The following CFAP99 variants were observed in gnomAD, a reference collection of about 807,000 sequenced individuals.
CFAP99 encodes the protein cilia- and flagella-associated protein 99.
Under a neutral mutation model 82.7 loss-of-function variants are expected in CFAP99, and 84 were observed. That is an observed-to-expected ratio of 1.02 (90% confidence interval 0.85 to 1.22). The LOEUF is 1.22. CFAP99 is among the 50% of genes most tolerant of loss of function. CFAP99 has a pLI of 0.00. For synonymous variants in CFAP99, 456 were observed against 429.5 expected (o/e 1.06, Z -0.76); for missense variants, 1,059 against 983.5 (o/e 1.08, Z -1.03).
intron 11 of CFAP99, among the ~76,000 whole-genome samples, chr4:2,453,420 G>A (rs563427727): frequency 4.6e-5 from 7 of 152,286 alleles, no homozygotes; most frequent in South Asian, 2.1e-4. Context: ...AGTCCTTGCC[G>A]TTTGGGACGC....
chr4:2,458,853 G>A (rs986506620), exon 12 of CFAP99: 27 of 1,534,692 alleles, frequency 1.8e-5, no homozygotes, highest in African/African-American at 9.6e-5. Flanking sequence ...GCGAAGGGCC[G>A]ACAGCAGACA....
At chr4:2,422,178 G>A (rs1396326908) in intron 1 of CFAP99, among the ~76,000 whole-genome samples, 1 of 152,214 alleles carries the variant, frequency 6.6e-6, no homozygotes, top group Non-Finnish European at 1.5e-5. Flanking sequence ...GAAGTTCCTA[G>A]GCTAATTTCA....
chr4:2,432,972 T>C (rs2108715707), intron 2 of CFAP99, among the ~76,000 whole-genome samples: 1 of 151,242 alleles, frequency 6.6e-6, no homozygotes, highest in Non-Finnish European at 1.5e-5. Context: ...GTGTCACCCC[T>C]TGCCCCCACC....
chr4:2,440,980 C>T (rs1474564705), intron 4 of CFAP99, among the ~76,000 whole-genome samples: 1 of 151,872 alleles, frequency 6.6e-6, no homozygotes, highest in Non-Finnish European at 1.5e-5. Flanking sequence ...ATCACTTGAG[C>T]CCAGGAGTTT....
chr4:2,438,238 G>C (rs17132558), intron 4 of CFAP99, 74 bp downstream of exon 4: 282,671 of 843,998 alleles, frequency 0.33, 50,560 homozygotes, highest in Admixed American at 0.5. Context: ...CCCACCTTTC[G>C]TCATTCTGGT....
In CFAP99 at chr4:2,438,178, A is replaced by C; in HGVS notation, c.351+14A>C. ...AAGATGTGCAAGGTGAGCCACCCCT[A>C]CCTGCCCACCAGGCCACGAGGCCCA... On this transcript the variant is annotated intron_variant, in intron 4 of 14. Coordinates refer to ENST00000635017, the Ensembl canonical transcript of CFAP99. 1 of 1,488,676 alleles carries C rather than the reference A, an allele frequency of 6.7e-7. No individual in the cohort carries two copies. The highest frequency in any genetic ancestry group is 9.1e-7 in the Non-Finnish European group (1 of 1,104,160). 92.2% of individuals were successfully genotyped at this position (1,488,676 alleles called of 1,614,324 possible). A position where few individuals can be genotyped will look rare whatever the true frequency, so the allele number is the denominator to read the frequency against.
chr4:2,436,806 TC>T (rs1703014752), intron 2 of CFAP99, 67 bp from the exon 3 acceptor site: 1 of 1,288,326 alleles, frequency 7.8e-7, no homozygotes, highest in Non-Finnish European at 1.1e-6. Flanking sequence ...TGCCCAAGTG[TC>T]CCACCCCCAC....
chr4:2,446,293 T>C lies in CFAP99; in HGVS notation c.642+985T>C, dbSNP rs908294283. On this transcript the variant is annotated intron_variant, in intron 6 of 14. Transcript: ENST00000635017. This position sits in a 1 kb window ranked among gnomAD's most constrained non-coding sequence, Gnocchi z 5.0. The stretch of plus-strand genomic sequence containing the variant: ...GTTTAGTAATTTGTGGGCCTGCCTA[T>C]TGTCTGCCTATTCCAGCAGACATCA... Among the ~76,000 whole-genome samples the C allele has an allele frequency of 6.6e-6, 1 of 151,412 alleles. No individual in the cohort carries two copies. The highest frequency in any genetic ancestry group is 1.5e-5 in the Non-Finnish European group (1 of 68,052).
rs1468430213 is a variant in CFAP99, at chr4:2,462,614, G to A, written c.1833G>A (p.Pro611=). Reference sequence around the variant, plus strand: ...CGCGCCCCAAGCCCCGGGTGAGTCCGGATTGGTGGGAGGAGCCCGGGCGAC... The same window carrying A: ...CGCGCCCCAAGCCCCGGGTGAGTCCAGATTGGTGGGAGGAGCCCGGGCGAC... The change falls in exon 15 of 15, where the codon CCG becomes CCA. Residue 611 remains proline (P), a synonymous_variant. Transcript: ENST00000635017. This position sits in a 1 kb window ranked among gnomAD's most constrained non-coding sequence, Gnocchi z 4.1. 5.1e-6 allele frequency: 7 copies of A among 1,371,780 alleles called. No homozygotes were observed. Among genetic ancestry groups the A allele is most frequent in the South Asian group, 1.7e-5 (1 of 60,460 alleles). 85.0% of individuals were successfully genotyped at this position (1,371,780 alleles called of 1,614,324 possible). A position where few individuals can be genotyped will look rare whatever the true frequency, so the allele number is the denominator to read the frequency against.
intron 4 of CFAP99, among the ~76,000 whole-genome samples, chr4:2,439,434 G>GCT (rs2108721836): frequency 6.6e-6 from 1 of 152,292 alleles, no homozygotes; most frequent in East Asian, 1.9e-4. Flanking sequence ...GAAGCAGCTA[G>GCT]CTCTTCAGGG....
chr4:2,459,030 C>T (rs1734506889), intron 12 of CFAP99, 77 bp from the exon 13 acceptor site: 2 of 1,450,978 alleles, frequency 1.4e-6, no homozygotes, highest in Middle Eastern at 2.2e-4. Context: ...GCTGGGGAAC[C>T]CTGGGGGAGG....
chr4:2,434,698 G>A (rs1733873473), intron 2 of CFAP99, among the ~76,000 whole-genome samples: 1 of 152,186 alleles, frequency 6.6e-6, no homozygotes, highest in Non-Finnish European at 1.5e-5. Context: ...CCACCCCTGG[G>A]GAGCTGAAGA....
exon 9 of CFAP99, chr4:2,450,951 C>T: frequency 6.5e-7 from 1 of 1,535,944 alleles, no homozygotes; most frequent in Non-Finnish European, 8.7e-7. Context: ...CTGCAGGGCT[C>T]CAAGCAGCAG....
At chr4:2,458,731 G>A in exon 12 of CFAP99, 1 of 1,533,936 alleles carries the variant, frequency 6.5e-7, no homozygotes, top group Non-Finnish European at 8.7e-7. Flanking sequence ...AGATGGCCAA[G>A]CTGATGCTGC....
At chr4:2,433,889 G>A (rs1203767) in intron 2 of CFAP99, among the ~76,000 whole-genome samples, 79,518 of 152,146 alleles carry the variant, frequency 0.52, 21,534 homozygotes, top group East Asian at 0.85. Context: ...TGGGGACTCC[G>A]AGGGAGCTGG....
intron 10 of CFAP99, 87 bp downstream of exon 10, chr4:2,451,439 G>C (rs1328717840): frequency 7.7e-7 from 1 of 1,305,366 alleles, no homozygotes; most frequent in East Asian, 2.5e-5. Flanking sequence ...GGGCTGGGCA[G>C]CTCAGTGGAG....
At chr4:2,447,779 T>C (rs1248377542) in intron 6 of CFAP99, among the ~76,000 whole-genome samples, 1 of 138,740 alleles carries the variant, frequency 7.2e-6, no homozygotes, top group African/African-American at 2.7e-5. Context: ...GGTGATTAGA[T>C]GGATGAAAAG....
intron 2 of CFAP99, among the ~76,000 whole-genome samples, chr4:2,431,689 G>A (rs1485344044): frequency 6.6e-6 from 1 of 152,064 alleles, no homozygotes; most frequent in Non-Finnish European, 1.5e-5. Context: ...AACCTCATGT[G>A]CGGGCAAAAA....
intron 1 of CFAP99, among the ~76,000 whole-genome samples, chr4:2,424,471 G>T (rs1207700294): frequency 6.6e-6 from 1 of 152,032 alleles, no homozygotes; most frequent in Non-Finnish European, 1.5e-5. Flanking sequence ...GAAAAAAAAA[G>T]AACAGCCCAT....
Sources: allele counts gnomAD v4.1 joint callset (sites outside exome capture counted in the v4.1 genomes callset), GRCh38; gene constraint gnomAD v4.1.1; non-coding constraint Gnocchi (gnomAD v3.1); transcripts MANE v1.5; gene names NCBI Gene and HGNC (gene_info 2026-07-23, HGNC 2026-07-21).